Variants in RAB7A observed in about 807,000 individuals in gnomAD.
RAB7A encodes the protein RAB7A, member RAS oncogene family.
RAB7A carries 2 observed loss-of-function variants against 24.5 expected under a neutral mutation model. The observed-to-expected ratio is 0.08, with a 90% CI of 0.03 to 0.26. The LOEUF is 0.26. Among genes scored for constraint, RAB7A ranks in the 10% least tolerant of loss-of-function variants. The pLI is 1.00. For missense variants in RAB7A, 118 were observed against 255.7 expected (o/e 0.46, Z 3.67); for synonymous variants, 100 against 95.9 (o/e 1.04, Z -0.25).
chr3:128,732,818 C>T (rs143191403), intron 1 of RAB7A, among the ~76,000 whole-genome samples: 94 of 151,992 alleles, frequency 6.2e-4, no homozygotes, highest in African/African-American at 2.2e-3. Flanking sequence ...CAGAGCAAGA[C>T]CCTGTCTCAA....
chr3:128,779,761 A>AT (rs1478331610), intron 1 of RAB7A, among the ~76,000 whole-genome samples: 3 of 151,954 alleles, frequency 2.0e-5, no homozygotes, highest in Non-Finnish European at 2.9e-5. Flanking sequence ...CTAATTTCTT[A>AT]TTTTTTGTAA....
chr3:128,748,949 T>A (rs1368165580), intron 1 of RAB7A: 2 of 151,930 alleles, frequency 1.3e-5, no homozygotes, highest in Non-Finnish European at 2.9e-5. Flanking sequence ...GGGAGAAGGG[T>A]GGTCATAATT....
At chr3:128,789,041 G>A (rs779049419) in intron 1 of RAB7A, among the ~76,000 whole-genome samples, 13 of 152,176 alleles carry the variant, frequency 8.5e-5, no homozygotes, top group Non-Finnish European at 1.8e-4. Flanking sequence ...TGGTAGTTTC[G>A]CTCTGAGGAG....
intron 1 of RAB7A, among the ~76,000 whole-genome samples, chr3:128,729,995 T>C (rs1183638020): frequency 3.9e-5 from 6 of 152,228 alleles, no homozygotes; most frequent in African/African-American, 1.4e-4. Context: ...TGATGATTCT[T>C]ACCTCTCATG....
chr3:128,784,208 TA>T (rs1303522781), intron 1 of RAB7A, among the ~76,000 whole-genome samples: 1 of 152,224 alleles, frequency 6.6e-6, no homozygotes, highest in Non-Finnish European at 1.5e-5. Flanking sequence ...TTAGCATGTC[TA>T]AAATCAAACA....
chr3:128,740,885 A>G (rs2070545659), intron 1 of RAB7A, among the ~76,000 whole-genome samples: 2 of 120,800 alleles, frequency 1.7e-5, no homozygotes, highest in East Asian at 2.8e-4. Flanking sequence ...TAGGTGACAG[A>G]GGGAGATGTC....
intron 1 of RAB7A, among the ~76,000 whole-genome samples, chr3:128,737,463 C>T (rs1385264447): frequency 6.6e-6 from 1 of 151,644 alleles, no homozygotes; most frequent in Non-Finnish European, 1.5e-5. Flanking sequence ...CCCACCTCAG[C>T]CTCCCAAGTA....
chr3:128,813,201 C>T (rs1276849704), intron 5 of RAB7A, 126 bp from the exon 6 acceptor site: 4 of 898,628 alleles, frequency 4.5e-6, no homozygotes, highest in Non-Finnish European at 5.6e-6. Flanking sequence ...GCAGGCTCTG[C>T]TTCACAGCTC....
intron 1 of RAB7A, chr3:128,764,518 G>A (rs1204401323): frequency 1.2e-6 from 1 of 855,532 alleles, no homozygotes; most frequent in Admixed American, 1.7e-5. Flanking sequence ...GATATATTCT[G>A]CCAAGCCAGA....
chr3:128,781,741 G>C (rs1327734241), intron 1 of RAB7A, among the ~76,000 whole-genome samples: 1 of 151,560 alleles, frequency 6.6e-6, no homozygotes, highest in Non-Finnish European at 1.5e-5. Flanking sequence ...TTGTGGCCGG[G>C]CACGGTGGCT....
At chr3:128,788,643 C>T (rs1933391007) in intron 1 of RAB7A, among the ~76,000 whole-genome samples, 1 of 152,198 alleles carries the variant, frequency 6.6e-6, no homozygotes, top group Non-Finnish European at 1.5e-5. Flanking sequence ...CCTTCACCTC[C>T]ACGTGAGCTG....
chr3:128,757,547 T>C (rs945807729), intron 1 of RAB7A, among the ~76,000 whole-genome samples: 2 of 151,786 alleles, frequency 1.3e-5, no homozygotes, highest in Non-Finnish European at 1.5e-5. Context: ...TGAGACCAAG[T>C]CTTGCTGTGT....
At chr3:128,792,098 T>C (rs1933467659) in intron 1 of RAB7A, among the ~76,000 whole-genome samples, 1 of 152,244 alleles carries the variant, frequency 6.6e-6, no homozygotes, top group Admixed American at 6.5e-5. Context: ...ATTTAAATGC[T>C]TAATTCACTC....
rs990988945 is a variant in RAB7A at position 128,798,089 on chromosome 3, G to C, written c.180+20G>C. On this transcript the variant is annotated intron_variant, in intron 3 of 5. Transcript: ENST00000265062. ...ATGCAGGTAAGCACATGTCTTGGCT[G>C]TGCTGACCAGGCCTTGATAGTTCAT... The C allele has an allele frequency of 6.2e-7, 1 of 1,613,488 alleles. No individual in the cohort carries two copies. Among genetic ancestry groups the C allele is most frequent in the Admixed American group, 1.7e-5 (1 of 60,022 alleles).
intron 1 of RAB7A, among the ~76,000 whole-genome samples, chr3:128,737,829 T>G (rs1405757982): frequency 1.4e-5 from 1 of 69,270 alleles, no homozygotes; most frequent in African/African-American, 6.5e-5. Context: ...TTTGTAGTTT[T>G]TTTTTTTTTT....
chr3:128,808,718 G>T (rs1373191204), intron 5 of RAB7A, among the ~76,000 whole-genome samples: 1 of 152,236 alleles, frequency 6.6e-6, no homozygotes, highest in Admixed American at 6.5e-5. Context: ...GTGTCTGGGG[G>T]TGGTCAGAGG....
At position 128,757,522 on chromosome 3, in the gene RAB7A, CA is replaced by C. The variant is rs1207274672; in HGVS notation, c.-9+31165del. ...AAAATATTTTTATTTATTTTAAAAA[CA>C]ATTTTTTTTTTTTTGAGACCAAGTC... On this transcript the variant is annotated intron_variant, in intron 1 of 5. Transcript: ENST00000265062. Among the ~76,000 whole-genome samples the C allele has an allele frequency of 2.6e-3, 392 of 149,542 alleles. 4 individuals carry two copies. The highest frequency in any genetic ancestry group is 9.3e-3 in the African/African-American group (369 of 39,776).
At chr3:128,732,894 T>C (rs1376981295) in intron 1 of RAB7A, among the ~76,000 whole-genome samples, 3 of 152,108 alleles carry the variant, frequency 2.0e-5, no homozygotes, top group Non-Finnish European at 4.4e-5. Context: ...GACCAGATAC[T>C]CTTGGGTGAT....
At chr3:128,736,717 T>A (rs189368003) in intron 1 of RAB7A, among the ~76,000 whole-genome samples, 2 of 152,304 alleles carry the variant, frequency 1.3e-5, no homozygotes, top group East Asian at 3.9e-4. Flanking sequence ...TGAATACAGT[T>A]AAATTCCAGC....
Sources: gnomAD v4.1 joint callset for allele counts (sites outside exome capture counted in the v4.1 genomes callset) on GRCh38, gnomAD v4.1.1 for gene constraint, MANE v1.5 for transcripts, NCBI Gene and HGNC (gene_info 2026-07-23, HGNC 2026-07-21) for gene names.